The following RAMAC variants were observed in gnomAD, a reference collection of about 807,000 sequenced individuals.
The protein encoded by RAMAC is RNA guanine-7 methyltransferase activating subunit.
Under a neutral mutation model 17.9 loss-of-function variants are expected in RAMAC, and 11 were observed. That is an observed-to-expected ratio of 0.61 (90% CI 0.39 to 1.02). RAMAC has a LOEUF of 1.02. Ranked by LOEUF, RAMAC falls within the 50% of genes least tolerant of loss-of-function variation. The pLI, the probability that RAMAC is intolerant of heterozygous loss-of-function variation, is 0.01. For missense variants in RAMAC, 109 were observed against 144.0 expected, an observed-to-expected ratio of 0.76 and a Z score of 1.25; for synonymous variants, 27 against 48.4, an observed-to-expected ratio of 0.56 and a Z score of 1.84.
chr15:82,989,792 A>G (rs2151270784), intron 3 of RAMAC, 89 bp from the exon 4 acceptor site: 1 of 1,469,860 alleles, frequency 6.8e-7, no homozygotes, highest in Non-Finnish European at 9.2e-7. Context: ...TGTGTATTAG[A>G]ATGAGAAACC....
chr15:82,989,934 G>C lies in RAMAC; in HGVS notation c.224G>C (p.Ser75Thr), dbSNP rs780508972. The change falls in exon 4 of 4, where the codon AGT (serine) becomes ACT (threonine). Residue 75 changes from serine to threonine, a missense_variant. Transcript: ENST00000304191. ...RGRDNRWGWP[S>T]DNRSNQWHGR... ...AGGGACAACAGATGGGGGTGGCCAA[G>C]TGACAATCGATCCAATCAGTGGCAT... The C allele has an allele frequency of 6.2e-7, 1 of 1,612,820 alleles. No homozygotes were observed. The highest frequency in any genetic ancestry group is 1.1e-5 in the South Asian group (1 of 90,988).
chr15:82,990,709 TG>T lies in RAMAC; in HGVS notation c.*645del. The T allele has an allele frequency of 1.4e-6, 2 of 1,421,546 alleles. No homozygotes were observed. The highest frequency in any genetic ancestry group is 1.9e-6 in the Non-Finnish European group (2 of 1,029,256). The allele number at this position is 1,421,546 out of a possible 1,614,324, so 88.1% of individuals were successfully genotyped here. Reference sequence around the variant, plus strand: ...GTTTGTGTCTTGATCTGGTGGTGGTTGGGATAAGGGTACACATCATTTTATA... The same window carrying T: ...GTTTGTGTCTTGATCTGGTGGTGGTTGGATAAGGGTACACATCATTTTATA... On this transcript the variant is annotated 3_prime_UTR_variant, in exon 4 of 4. Transcript: ENST00000304191.
At chr15:82,987,311 CAA>C (rs1197718650) in intron 1 of RAMAC, 23 bp from the exon 2 acceptor site, 1 of 152,256 alleles carries the variant, frequency 6.6e-6, no homozygotes, top group East Asian at 1.9e-4. Flanking sequence ...TAAATAAAGT[CAA>C]GTTTGTTTTT....
In RAMAC at chr15:82,990,784, A is replaced by G. The variant is rs1454301141; in HGVS notation, c.*717A>G. On this transcript the variant is annotated 3_prime_UTR_variant, in exon 4 of 4. Coordinates refer to ENST00000304191, the MANE Select transcript of RAMAC (RefSeq NM_031452.4). ...CAACATAGCAGGTCAAAATTCACAC[A>G]TAAGAAAGTTTAACTCTGTACTGTT... 2.7e-6 allele frequency: 2 copies of G among 737,284 alleles called. No individual in the cohort carries two copies. Among genetic ancestry groups the G allele is most frequent in the Non-Finnish European group, 2.3e-6 (1 of 432,184 alleles). The allele number at this position is 737,284 out of a possible 1,614,324, so 45.7% of individuals were successfully genotyped here. A position where few individuals can be genotyped will look rare whatever the true frequency, so the allele number is the denominator to read the frequency against.
chr15:82,986,635 C>T lies in RAMAC; in HGVS notation c.-59+266C>T, dbSNP rs1456539104. ...TTTTCAGTCTGCATCTTCGTCTGTTCCCCGGGCTCACCTCCCAGGGCAGCG... is the reference window on the plus strand; with the variant it reads ...TTTTCAGTCTGCATCTTCGTCTGTTTCCCGGGCTCACCTCCCAGGGCAGCG... On this transcript the variant is annotated intron_variant, in intron 1 of 3. Coordinates refer to ENST00000304191, the MANE Select transcript of RAMAC (RefSeq NM_031452.4). Among the ~76,000 whole-genome samples the T allele has an allele frequency of 2.0e-5, 3 of 152,296 alleles. No homozygotes were observed. In the South Asian group the frequency reaches 6.2e-4, roughly 32 times the overall value.
rs560141069 is a variant in RAMAC, at chr15:82,988,845, A to C, written c.-9-165A>C. On this transcript the variant is annotated intron_variant, in intron 2 of 3. Transcript: ENST00000304191. The stretch of plus-strand genomic sequence containing the variant: ...TGAGAGACCCTGTCTCAAAAAAAAA[A>C]AAAAAATGTTGAATTCAATATCTAA... 1.3e-3 allele frequency: 894 copies of C among 673,096 alleles called. 7 individuals carry two copies. Among genetic ancestry groups the C allele is most frequent in the Admixed American group, 2.9e-3 (89 of 30,788 alleles). 41.7% of individuals were successfully genotyped at this position (673,096 alleles called of 1,614,324 possible).
At chr15:82,989,781 T>C in intron 3 of RAMAC, 100 bp from the exon 4 acceptor site, 2 of 1,385,126 alleles carry the variant, frequency 1.4e-6, no homozygotes, top group Non-Finnish European at 1.9e-6. Context: ...GTCTTATTTA[T>C]TGTGTATTAG....
At chr15:82,989,551 C>G (rs2030769559) in intron 3 of RAMAC, among the ~76,000 whole-genome samples, 1 of 152,140 alleles carries the variant, frequency 6.6e-6, no homozygotes, top group African/African-American at 2.4e-5. Flanking sequence ...ATGGAAGTTA[C>G]TTTTACTTAA....
chr15:82,988,306 G>C (rs1418496957), intron 2 of RAMAC: 1 of 159,002 alleles, frequency 6.3e-6, no homozygotes, highest in African/African-American at 2.4e-5. Flanking sequence ...CTCCAACTCT[G>C]GGTGACAGAG....
At chr15:82,988,796 T>A in intron 2 of RAMAC, 1 of 498,576 alleles carries the variant, frequency 2.0e-6, no homozygotes, top group South Asian at 2.0e-5. Context: ...GTTGTGCCGC[T>A]GTGCTCCAGC....
intron 1 of RAMAC, among the ~76,000 whole-genome samples, chr15:82,986,858 T>C (rs1388888678): frequency 6.6e-6 from 1 of 152,230 alleles, no homozygotes; most frequent in Non-Finnish European, 1.5e-5. Flanking sequence ...ACAAATCTTG[T>C]AGCTTCTTGC....
In RAMAC at chr15:82,989,892, A is replaced by G. The variant is rs1235048179; in HGVS notation, c.182A>G (p.Asn61Ser). Residue 61 changes from asparagine to serine, a missense_variant, in exon 4 of 4, where the codon AAC (asparagine) becomes AGC (serine). By Grantham distance (46) the Asn-to-Ser change is conservative (BLOSUM62 1). Transcript: ENST00000304191. The stretch of plus-strand genomic sequence containing the variant: ...TTTTATTGTTGTAGGTTGCAAGACA[A>G]CAGACAGTTCAGAGGCAGGGACAAC... The part of the protein sequence containing the change: ...QRNRGNRLQD[N>S]RQFRGRDNRW... 1 of 1,612,516 alleles carries G rather than the reference A, an allele frequency of 6.2e-7. No individual in the cohort carries two copies. The highest frequency in any genetic ancestry group is 1.7e-5 in the Admixed American group (1 of 59,508).
At position 82,990,223 on chromosome 15, in the gene RAMAC, G is replaced by A. The variant is rs1446531747; in HGVS notation, c.*156G>A. 1.3e-5 allele frequency: 4 copies of A among 316,196 alleles called. No homozygotes were observed. Among genetic ancestry groups the A allele is most frequent in the Non-Finnish European group, 2.1e-5 (4 of 195,034 alleles). The allele number at this position is 316,196 out of a possible 1,614,324, so 19.6% of individuals were successfully genotyped here. ...TTTAAAAAAAATAGATCTTACTTGC[G>A]AAATGCGATGGTTGCTGGGAATACC... is the stretch of plus-strand genomic sequence containing the variant. On this transcript the variant is annotated 3_prime_UTR_variant, in exon 4 of 4. Coordinates refer to ENST00000304191, the MANE Select transcript of RAMAC (RefSeq NM_031452.4).
At chr15:82,987,896 G>A (rs753730368) in intron 2 of RAMAC, among the ~76,000 whole-genome samples, 3 of 151,724 alleles carry the variant, frequency 2.0e-5, no homozygotes, top group Non-Finnish European at 4.4e-5. Context: ...AAAAATTAGC[G>A]AGCGGGCGTG....
Position 82,990,664 on chromosome 15 carries a change from T to G in RAMAC, c.*597T>G, listed in dbSNP as rs1728853736. On this transcript the variant is annotated 3_prime_UTR_variant, in exon 4 of 4. Transcript: ENST00000304191. Reference sequence around the variant, plus strand: ...GGAAATCAGTAATAAAGCTGTAAAATAAGGAAGGAATCATTGTCAGTTTGT... The same window carrying G: ...GGAAATCAGTAATAAAGCTGTAAAAGAAGGAAGGAATCATTGTCAGTTTGT... 1 of 1,529,948 alleles carries G rather than the reference T, an allele frequency of 6.5e-7. No individual in the cohort carries two copies. Among genetic ancestry groups the G allele is most frequent in the African/African-American group, 1.4e-5 (1 of 72,434 alleles). 94.8% of individuals were successfully genotyped at this position (1,529,948 alleles called of 1,614,324 possible).
chr15:82,990,802 G>GTA lies in RAMAC; in HGVS notation c.*736_*737dup. The GTA allele has an allele frequency of 1.6e-6, 1 of 613,974 alleles. No homozygotes were observed. The highest frequency in any genetic ancestry group is 2.9e-6 in the Non-Finnish European group (1 of 346,688). 38.0% of individuals were successfully genotyped at this position (613,974 alleles called of 1,614,324 possible). A position where few individuals can be genotyped will look rare whatever the true frequency, so the allele number is the denominator to read the frequency against. On this transcript the variant is annotated 3_prime_UTR_variant, in exon 4 of 4. Transcript: ENST00000304191. Reference sequence around the variant, plus strand: ...TTCACACATAAGAAAGTTTAACTCTGTACTGTTCACACTTTTTAATCCTGT... The same window carrying GTA: ...TTCACACATAAGAAAGTTTAACTCTGTATACTGTTCACACTTTTTAATCCTGT...
In RAMAC at chr15:82,989,048, G is replaced by A. The variant is rs61738562; in HGVS notation, c.30G>A (p.Lys10=). The A allele has an allele frequency of 6.2e-7, 1 of 1,613,276 alleles. No homozygotes were observed. The highest frequency in any genetic ancestry group is 8.5e-7 in the Non-Finnish European group (1 of 1,179,630). ...CTGACACTGCCGAAGCTGTTCCAAA[G>A]TTTGAAGAGATGTTTGCTAGTAGAT... is the stretch of plus-strand genomic sequence containing the variant. The part of the protein sequence containing the change: MTDTAEAVP[K]FEEMFASRFT... The change falls in exon 3 of 4, where the codon AAG becomes AAA. Residue 10 remains lysine (K), a synonymous_variant. Transcript: ENST00000304191.
At chr15:82,989,285 T>C in intron 3 of RAMAC, 97 bp downstream of exon 3, 1 of 1,255,736 alleles carries the variant, frequency 8.0e-7, no homozygotes. Context: ...GACCAGTGTT[T>C]TTGGTATGGC....
At chr15:82,988,357 C>T (rs1459638074) in intron 2 of RAMAC, 1 of 164,418 alleles carries the variant, frequency 6.1e-6, no homozygotes, top group Non-Finnish European at 1.3e-5. Context: ...AAAAAATCTA[C>T]ATATTGTTTC....
Sources: allele counts gnomAD v4.1 joint callset (sites outside exome capture counted in the v4.1 genomes callset), GRCh38; gene constraint gnomAD v4.1.1; transcripts MANE v1.5; gene names NCBI Gene and HGNC (gene_info 2026-07-23, HGNC 2026-07-21).